Variants in MGAT4C observed in about 807,000 individuals in gnomAD.
MGAT4C encodes the protein MGAT4 family member C.
In MGAT4C, 19 loss-of-function variants were observed where a neutral mutation model predicts 40.1. That is an observed-to-expected ratio of 0.47 (90% CI 0.33 to 0.70). The LOEUF (loss-of-function observed/expected upper bound fraction) is 0.70. MGAT4C is among the 30% of genes least tolerant of loss of function. The pLI, the probability that MGAT4C is intolerant of heterozygous loss-of-function variation, is 0.02. For synonymous variants in MGAT4C, 181 were observed against 187.1 expected, an observed-to-expected ratio of 0.97 and a Z score of 0.27; for missense variants, 491 against 563.2, an observed-to-expected ratio of 0.87 and a Z score of 1.30.
At chr12:86,547,728 A>C (rs1172552157) in intron 2 of MGAT4C, among the ~76,000 whole-genome samples, 1 of 152,160 alleles carries the variant, frequency 6.6e-6, no homozygotes, top group Non-Finnish European at 1.5e-5. Flanking sequence ...TGGTGGAATT[A>C]AATCATTGGG....
chr12:86,284,495 A>G (rs1328309147), intron 4 of MGAT4C, among the ~76,000 whole-genome samples: 1 of 151,962 alleles, frequency 6.6e-6, no homozygotes, highest in Non-Finnish European at 1.5e-5. Context: ...TGCCAAAAAA[A>G]TACCCAAAAA....
chr12:86,313,804 G>T (rs1160374133), intron 4 of MGAT4C, among the ~76,000 whole-genome samples: 2 of 152,130 alleles, frequency 1.3e-5, no homozygotes, highest in Non-Finnish European at 2.9e-5. Flanking sequence ...AATACCGAAA[G>T]CTTATGAATA....
intron 2 of MGAT4C, among the ~76,000 whole-genome samples, chr12:86,713,663 T>C (rs1207358726): frequency 6.6e-6 from 1 of 152,130 alleles, no homozygotes; most frequent in Admixed American, 6.6e-5. Context: ...TTACAATGTA[T>C]TAGTAGTTTT....
rs942276693 is a variant in MGAT4C, at chr12:85,959,863, T to G, written c.*19426A>C. 2 of 152,012 alleles carry G rather than the reference T, an allele frequency of 1.3e-5. No individual in the cohort carries two copies. Among genetic ancestry groups the G allele is most frequent in the African/African-American group, 4.8e-5 (2 of 41,432 alleles). 9.4% of individuals were successfully genotyped at this position (152,012 alleles called of 1,614,324 possible). Reference sequence around the variant, plus strand: ...GTATTGATATTGTCATTTATCAATTTTATTATATGTCTTTTGCTTATTAAA... The same window carrying G: ...GTATTGATATTGTCATTTATCAATTGTATTATATGTCTTTTGCTTATTAAA... On this transcript the variant is annotated 3_prime_UTR_variant, in exon 5 of 5. Coordinates refer to ENST00000611864, the MANE Select transcript of MGAT4C (RefSeq NM_001351288.2).
chr12:86,346,727 T>C (rs1327599363), intron 3 of MGAT4C, among the ~76,000 whole-genome samples: 1 of 152,176 alleles, frequency 6.6e-6, no homozygotes, highest in African/African-American at 2.4e-5. Flanking sequence ...TGCGAAGTAT[T>C]GTTCCTAGGT....
chr12:86,340,519 T>C (rs1262463214), intron 3 of MGAT4C, among the ~76,000 whole-genome samples: 2 of 151,960 alleles, frequency 1.3e-5, no homozygotes, highest in East Asian at 1.9e-4. Context: ...AAAGATTCTA[T>C]AGAAGAACAA....
intron 3 of MGAT4C, among the ~76,000 whole-genome samples, chr12:86,412,391 G>C (rs1956624669): frequency 6.6e-6 from 1 of 152,200 alleles, no homozygotes; most frequent in African/African-American, 2.4e-5. Context: ...CCAAAGTTTT[G>C]GGAGCCCAAC....
At chr12:86,020,925 G>A (rs1468994897) in intron 2 of MGAT4C, among the ~76,000 whole-genome samples, 4 of 152,184 alleles carry the variant, frequency 2.6e-5, no homozygotes, top group East Asian at 3.9e-4. Context: ...AAAGTGGGCA[G>A]AGGATATGAA....
chr12:86,197,681 C>T (rs1478133144), intron 1 of MGAT4C, among the ~76,000 whole-genome samples: 2 of 152,118 alleles, frequency 1.3e-5, no homozygotes, highest in Admixed American at 1.3e-4. Flanking sequence ...TATAGCAGCT[C>T]AAACTAAGAT....
chr12:86,631,880 G>A (rs572735086), intron 2 of MGAT4C, among the ~76,000 whole-genome samples: 1 of 152,006 alleles, frequency 6.6e-6, no homozygotes, highest in Non-Finnish European at 1.5e-5. Flanking sequence ...AAAAGCAATG[G>A]CAACAAAAGC....
chr12:86,836,431 T>C (rs1156742676), intron 1 of MGAT4C, among the ~76,000 whole-genome samples: 1 of 152,006 alleles, frequency 6.6e-6, no homozygotes, highest in African/African-American at 2.4e-5. Flanking sequence ...ACATGTTGCT[T>C]GGAAGCAACA....
At chr12:86,283,922 A>T (rs1474398532) in intron 4 of MGAT4C, among the ~76,000 whole-genome samples, 1 of 152,140 alleles carries the variant, frequency 6.6e-6, no homozygotes, top group Non-Finnish European at 1.5e-5. Context: ...CTGCCTCAAA[A>T]TGTTTACAAT....
chr12:86,818,233 C>G (rs2136224058), intron 1 of MGAT4C, among the ~76,000 whole-genome samples: 2 of 151,100 alleles, frequency 1.3e-5, no homozygotes, highest in East Asian at 3.9e-4. Context: ...AGACCAATAA[C>G]AGAATATTAA....
At chr12:86,103,890 T>C (rs73379426) in intron 1 of MGAT4C, among the ~76,000 whole-genome samples, 16,250 of 152,054 alleles carry the variant, frequency 0.11, 1,816 homozygotes, top group African/African-American at 0.28. Flanking sequence ...GCCAGCCATA[T>C]AGTAGGTATT....
chr12:86,558,571 A>G (rs1445318458), intron 2 of MGAT4C, among the ~76,000 whole-genome samples: 1 of 152,110 alleles, frequency 6.6e-6, no homozygotes, highest in African/African-American at 2.4e-5. Flanking sequence ...AAAATCAAGA[A>G]GAAATAAAAT....
chr12:86,309,727 A>G lies in MGAT4C; in HGVS notation c.-57+24338T>C, dbSNP rs1954022928. On this transcript the variant is annotated intron_variant, in intron 4 of 7. Transcript: ENST00000548651. ...ATTTTTCTAAATTGTTGGTGGCAAT[A>G]TTATAAACTTCCTCTGAAACAATAA... Among the ~76,000 whole-genome samples the G allele has an allele frequency of 2.0e-5, 3 of 152,240 alleles. No homozygotes were observed. The South Asian group carries it at 6.2e-4, about 31-fold the overall frequency.
At chr12:86,533,745 A>AG (rs1555201418) in intron 2 of MGAT4C, among the ~76,000 whole-genome samples, 2 of 151,530 alleles carry the variant, frequency 1.3e-5, no homozygotes, top group African/African-American at 4.8e-5. Flanking sequence ...TGACTGATGG[A>AG]CCCCCCTTTA....
intron 3 of MGAT4C, among the ~76,000 whole-genome samples, chr12:86,350,824 G>A (rs1002219096): frequency 5.9e-5 from 9 of 151,926 alleles, no homozygotes; most frequent in African/African-American, 2.2e-4. Flanking sequence ...ATAAGATTGT[G>A]GTGGAACTCA....
chr12:86,419,829 C>A (rs1956787194), intron 3 of MGAT4C, among the ~76,000 whole-genome samples: 1 of 151,954 alleles, frequency 6.6e-6, no homozygotes, highest in Non-Finnish European at 1.5e-5. Flanking sequence ...AATATTGACC[C>A]TATGTATTAA....
Sources: allele counts gnomAD v4.1 joint callset (sites outside exome capture counted in the v4.1 genomes callset), GRCh38; gene constraint gnomAD v4.1.1; transcripts MANE v1.5; gene names NCBI Gene and HGNC (gene_info 2026-07-23, HGNC 2026-07-21).